IKBIP: variants seen among roughly 807,000 people sequenced by gnomAD.
IKBIP encodes the protein inhibitor of nuclear factor kappa-B kinase-interacting protein.
A neutral mutation model predicts 31.0 loss-of-function variants in IKBIP; 28 were observed. The ratio of observed to expected loss-of-function variants is 0.90; its 90% confidence interval spans 0.67 to 1.24. IKBIP has a LOEUF of 1.24. Among genes scored for constraint, IKBIP ranks in the 50% most tolerant of loss-of-function variants. IKBIP has a pLI of 0.00. For missense variants in IKBIP, 453 were observed against 441.9 expected (o/e 1.03, Z -0.23); for synonymous variants, 164 against 160.3 (o/e 1.02, Z -0.17).
intron 1 of IKBIP, among the ~76,000 whole-genome samples, chr12:98,635,875 T>TG: frequency 6.6e-6 from 1 of 152,310 alleles, no homozygotes; most frequent in Admixed American, 6.5e-5. Flanking sequence ...ACTGCACAAT[T>TG]GGTTATACTC....
rs551616956 is a variant in IKBIP, at chr12:98,617,791, T to C, written c.298-3451A>G. ...TAATGCGTATGCCCAAAGACAGATA[T>C]ACAGTAATTACTCTGGAAAAAGAAT... On this transcript the variant is annotated intron_variant, in intron 2 of 2. Coordinates refer to the IKBIP transcript ENST00000342502. Among the ~76,000 whole-genome samples the C allele has an allele frequency of 9.8e-5, 15 of 152,350 alleles. No individual in the cohort carries two copies. The South Asian group carries it at 2.7e-3, about 27-fold the overall frequency.
chr12:98,627,872 AAG>A (rs758486829), intron 2 of IKBIP, among the ~76,000 whole-genome samples: 1 of 152,242 alleles, frequency 6.6e-6, no homozygotes, highest in Non-Finnish European at 1.5e-5. Context: ...CTTGCAGAGA[AAG>A]TACTAGAATC....
chr12:98,614,527 C>T (rs1418238464), intron 2 of IKBIP, among the ~76,000 whole-genome samples: 3 of 152,142 alleles, frequency 2.0e-5, no homozygotes, highest in African/African-American at 7.2e-5. Flanking sequence ...TGGGTTCCAG[C>T]GATTTTCCTG....
At chr12:98,613,945 T>C (rs2097604722) in exon 3 of IKBIP, 3 of 1,613,804 alleles carry the variant, frequency 1.9e-6, no homozygotes, top group Non-Finnish European at 2.5e-6. Context: ...TTTCAGATGC[T>C]GTCTTTCGGA....
chr12:98,637,698 C>T (rs966495278), intron 1 of IKBIP, among the ~76,000 whole-genome samples: 20 of 151,896 alleles, frequency 1.3e-4, no homozygotes, highest in Admixed American at 5.9e-4. Flanking sequence ...TGAGCCACCG[C>T]GCCCGGCTTT....
At chr12:98,613,828 A>C in exon 3 of IKBIP, 1 of 1,611,406 alleles carries the variant, frequency 6.2e-7, no homozygotes, top group African/African-American at 1.3e-5. Flanking sequence ...CTGTCTTCAG[A>C]ACTTTGGCTC....
intron 2 of IKBIP, among the ~76,000 whole-genome samples, chr12:98,633,833 A>G (rs900035147): frequency 7.9e-5 from 12 of 152,180 alleles, no homozygotes; most frequent in Non-Finnish European, 1.0e-4. Flanking sequence ...AGCCATTCTT[A>G]AATGCATGTA....
rs1041373964 is a variant in IKBIP at position 98,625,083 on chromosome 12, T to C, written c.*847A>G. Reference sequence around the variant, plus strand: ...CCTCCCAAAGTGCTAGGATTACAGGTGTGAGCCACTGCGCCTGGCCTATTT... The same window carrying C: ...CCTCCCAAAGTGCTAGGATTACAGGCGTGAGCCACTGCGCCTGGCCTATTT... On this transcript the variant is annotated 3_prime_UTR_variant, in exon 3 of 3. Coordinates refer to ENST00000299157, the MANE Select transcript of IKBIP (RefSeq NM_153687.4). 57 of 962,448 alleles carry C rather than the reference T, an allele frequency of 5.9e-5. No individual in the cohort carries two copies. The highest frequency in any genetic ancestry group is 1.4e-4 in the South Asian group (3 of 20,840). 59.6% of individuals were successfully genotyped at this position (962,448 alleles called of 1,614,324 possible).
chr12:98,614,406 A>AAGATG, intron 2 of IKBIP: 1 of 846,140 alleles, frequency 1.2e-6, no homozygotes, highest in Non-Finnish European at 1.7e-6. Flanking sequence ...AATTCATCTT[A>AAGATG]AATTTTATAT....
chr12:98,628,143 C>T (rs1392165845), intron 2 of IKBIP, among the ~76,000 whole-genome samples: 1 of 152,198 alleles, frequency 6.6e-6, no homozygotes, highest in African/African-American at 2.4e-5. Flanking sequence ...AGACATAATA[C>T]TGAACAAGAT....
Position 98,625,187 on chromosome 12 carries a change from A to G in IKBIP, c.*743T>C, listed in dbSNP as rs2097613159. ...GAACCTAAAACTCAGGTATATAAAGATATTTCAAAGATTTATATACACATA... is the reference window on the plus strand; with the variant it reads ...GAACCTAAAACTCAGGTATATAAAGGTATTTCAAAGATTTATATACACATA... On this transcript the variant is annotated 3_prime_UTR_variant, in exon 3 of 3. Transcript: ENST00000299157. The G allele has an allele frequency of 1.0e-6, 1 of 982,698 alleles. No individual in the cohort carries two copies. The highest frequency in any genetic ancestry group is 6.2e-5 in the Admixed American group (1 of 16,246). The allele number at this position is 982,698 out of a possible 1,614,324, so 60.9% of individuals were successfully genotyped here.
chr12:98,613,865 T>C, exon 3 of IKBIP: 1 of 1,613,150 alleles, frequency 6.2e-7, no homozygotes, highest in African/African-American at 1.3e-5. Flanking sequence ...TAGAAATCTA[T>C]CTGTATGTTT....
At chr12:98,638,604 C>T (rs1371492901) in intron 1 of IKBIP, among the ~76,000 whole-genome samples, 2 of 149,926 alleles carry the variant, frequency 1.3e-5, no homozygotes, top group African/African-American at 4.9e-5. Flanking sequence ...GTTTGTTTTT[C>T]GACAAGGTCT....
At chr12:98,641,428 C>G (rs530321446) in intron 1 of IKBIP, among the ~76,000 whole-genome samples, 16 of 152,138 alleles carry the variant, frequency 1.1e-4, no homozygotes, top group Non-Finnish European at 1.8e-4. Flanking sequence ...TTCTAGTGAG[C>G]TTTTAAGTAT....
chr12:98,629,311 CAGA>C (rs1300186131), intron 2 of IKBIP, among the ~76,000 whole-genome samples: 95 of 152,152 alleles, frequency 6.2e-4, no homozygotes, highest in Non-Finnish European at 4.4e-5. Flanking sequence ...GATGCCAAGG[CAGA>C]AGGACTGCTT....
rs974834722 is a variant in IKBIP at position 98,626,421 on chromosome 12, T to G, written c.643A>C (p.Thr215Pro). 2 of 1,613,360 alleles carry G rather than the reference T, an allele frequency of 1.2e-6. No homozygotes were observed. Among genetic ancestry groups the G allele is most frequent in the East Asian group, 4.5e-5 (2 of 44,880 alleles). The part of the protein sequence containing the change: ...LEDSTLRNIR[T>P]VKRQEEEDLL... The stretch of plus-strand genomic sequence containing the variant: ...TCTTCTTCTTCTTGTCTTTTTACTG[T>G]TCTAATATTTCTTAGTGTGCTATCT... Residue 215 changes from threonine (T) to proline (P), a missense_variant, in exon 3 of 3, where the codon ACA becomes CCA. Transcript: ENST00000299157.
intron 1 of IKBIP, among the ~76,000 whole-genome samples, chr12:98,641,612 C>T (rs1251637036): frequency 6.6e-6 from 1 of 152,126 alleles, no homozygotes; most frequent in Non-Finnish European, 1.5e-5. Context: ...TAAGAGGCAA[C>T]TATTTAAATA....
chr12:98,641,050 C>G (rs544677580), intron 1 of IKBIP, among the ~76,000 whole-genome samples: 263 of 152,278 alleles, frequency 1.7e-3, no homozygotes, highest in Non-Finnish European at 2.0e-3. Flanking sequence ...TGGGAGCCAC[C>G]ACACCTGGCC....
At chr12:98,643,315 C>T (rs1291551127) in intron 1 of IKBIP, among the ~76,000 whole-genome samples, 3 of 152,126 alleles carry the variant, frequency 2.0e-5, no homozygotes, top group Non-Finnish European at 4.4e-5. Context: ...AGTATAATTC[C>T]ATATGTAGTA....
Sources: allele counts gnomAD v4.1 joint callset (sites outside exome capture counted in the v4.1 genomes callset), GRCh38; gene constraint gnomAD v4.1.1; transcripts MANE v1.5; gene names NCBI Gene and HGNC (gene_info 2026-07-23, HGNC 2026-07-21).